AOAH: variants seen among roughly 807,000 people sequenced by gnomAD.
AOAH encodes the protein acyloxyacyl hydrolase.
In AOAH, 64 loss-of-function variants were observed where a neutral mutation model predicts 92.2. The ratio of observed to expected loss-of-function variants is 0.69; its 90% CI spans 0.57 to 0.86. AOAH has a LOEUF of 0.86. Ranked by LOEUF, AOAH falls within the 40% of genes least tolerant of loss-of-function variation. The pLI is 0.00. For missense variants in AOAH, 656 were observed against 694.6 expected (o/e 0.94, Z 0.62); for synonymous variants, 263 against 254.5 (o/e 1.03, Z -0.32).
chr7:36,581,980 A>G (rs1044174447), intron 12 of AOAH, among the ~76,000 whole-genome samples: 1 of 152,202 alleles, frequency 6.6e-6, no homozygotes, highest in Non-Finnish European at 1.5e-5. Context: ...AGTGGGATCA[A>G]TATAATATTT....
chr7:36,718,452 G>A (rs1450607562), intron 1 of AOAH, among the ~76,000 whole-genome samples: 1 of 151,954 alleles, frequency 6.6e-6, no homozygotes, highest in Non-Finnish European at 1.5e-5. Context: ...TCCACTCCTA[G>A]GTATATACCC....
intron 4 of AOAH, among the ~76,000 whole-genome samples, chr7:36,658,286 A>G (rs1407828655): frequency 1.1e-4 from 17 of 152,220 alleles, no homozygotes; most frequent in Admixed American, 1.1e-3. Context: ...AAAGCACTAA[A>G]ATGAACTTCA....
intron 19 of AOAH, among the ~76,000 whole-genome samples, chr7:36,524,593 C>T (rs6462682): frequency 0.97 from 147,800 of 152,048 alleles, 71,971 homozygotes; most frequent in East Asian, 1. Context: ...GGAGAATCGC[C>T]TGAACATGGG....
chr7:36,598,050 A>G (rs896654138), intron 11 of AOAH: 3 of 152,116 alleles, frequency 2.0e-5, no homozygotes. Context: ...GGGGTAGGGT[A>G]GGTGGGAAAA....
At chr7:36,662,132 T>A (rs1219594875) in intron 3 of AOAH, among the ~76,000 whole-genome samples, 1 of 152,196 alleles carries the variant, frequency 6.6e-6, no homozygotes. Context: ...AATGAAAATG[T>A]ATCTTAATGA....
chr7:36,539,844 G>A (rs73342529), intron 16 of AOAH, among the ~76,000 whole-genome samples: 3,449 of 152,300 alleles, frequency 0.023, 140 homozygotes, highest in African/African-American at 0.08. Flanking sequence ...GAAGGTTCCA[G>A]GGACATTTTA....
intron 13 of AOAH, among the ~76,000 whole-genome samples, chr7:36,563,282 C>T (rs1477182764): frequency 6.6e-6 from 1 of 151,700 alleles, no homozygotes; most frequent in Non-Finnish European, 1.5e-5. Flanking sequence ...ACCTGTATGT[C>T]CCCACTATTT....
At chr7:36,710,149 G>C (rs1584170313) in intron 1 of AOAH, among the ~76,000 whole-genome samples, 1 of 152,248 alleles carries the variant, frequency 6.6e-6, no homozygotes, top group Non-Finnish European at 1.5e-5. Context: ...CTGTGAAAAT[G>C]ACTGGATATC....
chr7:36,526,807 T>C (rs1784417628), intron 19 of AOAH, among the ~76,000 whole-genome samples: 1 of 152,242 alleles, frequency 6.6e-6, no homozygotes, highest in Non-Finnish European at 1.5e-5. Context: ...CATCAAACAC[T>C]GTTTGATGAA....
Position 36,522,337 on chromosome 7 carries a change from T to C in AOAH, c.1523-222A>G, listed in dbSNP as rs114458259. 7.5e-3 allele frequency among the ~76,000 whole-genome samples: 1,148 copies of C among 152,280 alleles called. 16 individuals are homozygous for C. Among genetic ancestry groups the C allele is most frequent in the African/African-American group, 0.026 (1,082 of 41,560 alleles). On this transcript the variant is annotated intron_variant, in intron 19 of 20. Coordinates refer to ENST00000617537, the MANE Select transcript of AOAH (RefSeq NM_001637.4). ...CTCAGGAAGGGAATACGTGAGAGCA[T>C]TGGATGAATGTGGTTTGTGTAGCAG...
At chr7:36,717,424 C>G (rs924405789) in intron 1 of AOAH, among the ~76,000 whole-genome samples, 2 of 145,748 alleles carry the variant, frequency 1.4e-5, no homozygotes, top group Non-Finnish European at 3.0e-5. Context: ...CCCAAATTCT[C>G]TCTGCTGGGA....
At chr7:36,531,534 G>A (rs1406346489) in intron 18 of AOAH, among the ~76,000 whole-genome samples, 1 of 152,090 alleles carries the variant, frequency 6.6e-6, no homozygotes, top group Non-Finnish European at 1.5e-5. Context: ...TTTTAGTAGA[G>A]ATGGGGTTTC....
intron 11 of AOAH, among the ~76,000 whole-genome samples, chr7:36,594,988 C>T (rs562443156): frequency 1.6e-4 from 25 of 152,146 alleles, no homozygotes; most frequent in South Asian, 8.3e-4. Flanking sequence ...AGGAGGCTCA[C>T]GGACCCCCTG....
In AOAH at chr7:36,616,485, C is replaced by A; in HGVS notation, c.752-11G>T. 1 of 1,610,788 alleles carries A rather than the reference C, an allele frequency of 6.2e-7. No individual in the cohort carries two copies. Among genetic ancestry groups the A allele is most frequent in the Non-Finnish European group, 8.5e-7 (1 of 1,177,250 alleles). On this transcript the variant is annotated splice_polypyrimidine_tract_variant and intron_variant, in intron 10 of 20. Transcript: ENST00000617537. ...CCCTGGGCTGTGAACCTAGGCAGCA[C>A]AATTTATTCACATTATTTATGCACT...
chr7:36,574,929 G>C (rs1484195480), intron 13 of AOAH, among the ~76,000 whole-genome samples: 1 of 151,686 alleles, frequency 6.6e-6, no homozygotes, highest in African/African-American at 2.4e-5. Context: ...TTTTCTTTCG[G>C]CAGTGTTTTG....
chr7:36,539,284 T>TG (rs1289202754), intron 16 of AOAH, among the ~76,000 whole-genome samples: 1 of 152,018 alleles, frequency 6.6e-6, no homozygotes, highest in African/African-American at 2.4e-5. Flanking sequence ...AGGAGGTGAG[T>TG]GGGGTAACAC....
At chr7:36,527,999 G>C (rs1460858744) in intron 19 of AOAH, among the ~76,000 whole-genome samples, 1 of 152,234 alleles carries the variant, frequency 6.6e-6, no homozygotes, top group African/African-American at 2.4e-5. Context: ...AAACCAGATA[G>C]AAATGCTAGC....
intron 11 of AOAH, among the ~76,000 whole-genome samples, chr7:36,607,467 G>T (rs376361479): frequency 1.0e-3 from 153 of 152,230 alleles, no homozygotes; most frequent in African/African-American, 3.4e-3. Flanking sequence ...TGGCACATGA[G>T]GCAGGCAGTA....
At chr7:36,576,787 C>G (rs925000631) in intron 12 of AOAH, 131 bp from the exon 13 acceptor site, 6 of 504,554 alleles carry the variant, frequency 1.2e-5, no homozygotes, top group Admixed American at 3.8e-5. Context: ...TCTCTGCTGA[C>G]AAGTTTTCTC....
Sources: gnomAD v4.1 joint callset for allele counts (sites outside exome capture counted in the v4.1 genomes callset) on GRCh38, gnomAD v4.1.1 for gene constraint, MANE v1.5 for transcripts, NCBI Gene and HGNC (gene_info 2026-07-23, HGNC 2026-07-21) for gene names.